ACADM: variants seen among roughly 807,000 people sequenced by gnomAD.
The protein encoded by ACADM is medium-chain specific acyl-CoA dehydrogenase, mitochondrial.
Under a neutral mutation model 58.9 loss-of-function variants are expected in ACADM, and 49 were observed. The ratio of observed to expected loss-of-function variants is 0.83; its 90% CI spans 0.66 to 1.06. The LOEUF (loss-of-function observed/expected upper bound fraction) is 1.06. Among genes scored for constraint, ACADM ranks in the 50% least tolerant of loss-of-function variants. The pLI is 0.00. For synonymous variants in ACADM, 160 were observed against 157.7 expected (o/e 1.01, Z -0.11); for missense variants, 496 against 507.0 (o/e 0.98, Z 0.21).
At chr1:75,731,616 T>G (rs1647151799) in intron 2 of ACADM, among the ~76,000 whole-genome samples, 1 of 152,200 alleles carries the variant, frequency 6.6e-6, no homozygotes, top group South Asian at 2.1e-4. Context: ...GTAAACAAAT[T>G]GTTGGACACC....
intron 1 of ACADM, among the ~76,000 whole-genome samples, chr1:75,725,217 G>A (rs1175320990): frequency 6.6e-6 from 1 of 150,604 alleles, no homozygotes; most frequent in Non-Finnish European, 1.5e-5. Flanking sequence ...GCTTTTCGTT[G>A]TAACGTTTCC....
At chr1:75,744,361 G>C in intron 7 of ACADM, 1 of 1,585,780 alleles carries the variant, frequency 6.3e-7, no homozygotes, top group East Asian at 2.2e-5. Flanking sequence ...TGTGAAAAGC[G>C]GAGTGCCTCC....
At chr1:75,745,576 C>A in intron 7 of ACADM, 1 of 535,722 alleles carries the variant, frequency 1.9e-6, no homozygotes, top group South Asian at 2.1e-5. Context: ...AAGTGAAACC[C>A]CATGGAATGG....
chr1:75,728,597 G>C, intron 2 of ACADM, 109 bp downstream of exon 2: 1 of 794,000 alleles, frequency 1.3e-6, no homozygotes, highest in Non-Finnish European at 2.1e-6. Context: ...TCAATGAGTA[G>C]AACCAGTCCA....
intron 7 of ACADM, 175 bp from the exon 8 acceptor site, chr1:75,745,631 C>T: frequency 1.6e-6 from 1 of 635,150 alleles, no homozygotes; most frequent in Non-Finnish European, 2.8e-6. Context: ...CAAATACTAG[C>T]TCTTCCATAT....
chr1:75,743,975 C>G, intron 7 of ACADM: 1 of 1,559,516 alleles, frequency 6.4e-7, no homozygotes, highest in Non-Finnish European at 8.8e-7. Flanking sequence ...AAAAAAGCCT[C>G]TTTGTGCCGA....
intron 1 of ACADM, among the ~76,000 whole-genome samples, chr1:75,725,893 T>C (rs552309663): frequency 8.0e-4 from 122 of 152,356 alleles, no homozygotes; most frequent in Admixed American, 3.5e-3. Context: ...GCCACAAATA[T>C]GGTTGTGGAA....
At chr1:75,729,408 ATTATAG>A (rs1647109809) in intron 2 of ACADM, among the ~76,000 whole-genome samples, 2 of 141,196 alleles carry the variant, frequency 1.4e-5, no homozygotes, top group Non-Finnish European at 1.5e-5. Flanking sequence ...AAGTGCTGGG[ATTATAG>A]GCATGAGCTA....
chr1:75,730,346 G>A lies in ACADM; in HGVS notation c.118+1858G>A, dbSNP rs1647128448. On this transcript the variant is annotated intron_variant, in intron 2 of 11. Transcript: ENST00000370841. ...GTTAGATATAATTGTTTGGGAGGGA[G>A]ATTGTGAAGTTCAATACGGGTCTAT... is the stretch of plus-strand genomic sequence containing the variant. Among the ~76,000 whole-genome samples, 3 of 152,264 alleles carry A rather than the reference G, an allele frequency of 2.0e-5. No individual in the cohort carries two copies. In the South Asian group the frequency reaches 6.2e-4, roughly 32 times the overall value.
chr1:75,726,862 T>C (rs1257859606), intron 1 of ACADM, among the ~76,000 whole-genome samples: 2 of 145,986 alleles, frequency 1.4e-5, no homozygotes, highest in African/African-American at 5.1e-5. Context: ...TGGAATGCAA[T>C]GGTGCAGTCT....
intron 8 of ACADM, among the ~76,000 whole-genome samples, chr1:75,748,522 A>G (rs1488061321): frequency 6.6e-6 from 1 of 152,226 alleles, no homozygotes; most frequent in Non-Finnish European, 1.5e-5. Flanking sequence ...GGTACATCCA[A>G]GAGTGGGATA....
rs992750053 is a variant in ACADM at position 75,759,913 on chromosome 1, G to A, written c.946-1209G>A. 4.0e-5 allele frequency among the ~76,000 whole-genome samples: 6 copies of A among 151,470 alleles called. No individual in the cohort carries two copies. The South Asian group carries it at 8.3e-4, about 21-fold the overall frequency. ...CAACCTCAGGTGATCTGCCCGCCTCGGCCTCTCAAAGTGCTGGGATTACAG... is the reference window on the plus strand; with the variant it reads ...CAACCTCAGGTGATCTGCCCGCCTCAGCCTCTCAAAGTGCTGGGATTACAG... On this transcript the variant is annotated intron_variant, in intron 10 of 11. Transcript: ENST00000370841.
At chr1:75,729,295 C>CTTTTTTTTTTTTT (rs35372302) in intron 2 of ACADM, among the ~76,000 whole-genome samples, 2 of 85,334 alleles carry the variant, frequency 2.3e-5, no homozygotes, top group African/African-American at 5.1e-5. Context: ...TTTCTTTTTT[C>CTTTTTTTTTTTTT]TTTTTTTTTT....
intron 4 of ACADM, 172 bp downstream of exon 4, chr1:75,733,094 A>G (rs1647177597): frequency 6.2e-7 from 1 of 1,612,888 alleles, no homozygotes; most frequent in South Asian, 1.1e-5. Flanking sequence ...CTCTATACCT[A>G]GATGCGTTTT....
chr1:75,741,790 T>G (rs1318059599), intron 7 of ACADM, among the ~76,000 whole-genome samples: 1 of 152,240 alleles, frequency 6.6e-6, no homozygotes, highest in Non-Finnish European at 1.5e-5. Flanking sequence ...GGGAAGAATA[T>G]ACCTTTTTAA....
chr1:75,726,110 T>C (rs1208436516), intron 1 of ACADM, among the ~76,000 whole-genome samples: 1 of 152,222 alleles, frequency 6.6e-6, no homozygotes. Flanking sequence ...TTTTCCCTAT[T>C]TAAATTCCCT....
intron 8 of ACADM, among the ~76,000 whole-genome samples, chr1:75,748,041 G>T (rs1037053711): frequency 6.6e-6 from 1 of 152,098 alleles, no homozygotes; most frequent in Admixed American, 6.5e-5. Context: ...AAATTAAAGG[G>T]TTAGTTTATA....
chr1:75,760,684 A>G (rs1392178090), intron 10 of ACADM, among the ~76,000 whole-genome samples: 2 of 151,970 alleles, frequency 1.3e-5, no homozygotes, highest in African/African-American at 4.8e-5. Flanking sequence ...GAATTATAAT[A>G]GCCTGGGAAA....
rs1648941355 is a variant in ACADM, at chr1:75,763,127, T to G, written c.*364T>G. 1 of 164,456 alleles carries G rather than the reference T, an allele frequency of 6.1e-6. No individual in the cohort carries two copies. Among genetic ancestry groups the G allele is most frequent in the Non-Finnish European group, 1.3e-5 (1 of 75,850 alleles). 10.2% of individuals were successfully genotyped at this position (164,456 alleles called of 1,614,324 possible). On this transcript the variant is annotated 3_prime_UTR_variant, in exon 12 of 12. Coordinates refer to ENST00000370841, the MANE Select transcript of ACADM (RefSeq NM_000016.6). ...ATTCAAGATGTTACAAAATTTACAT[T>G]TAGAAAATATTGTAGTATTTGAATA...
Sources: allele counts gnomAD v4.1 joint callset (sites outside exome capture counted in the v4.1 genomes callset), GRCh38; gene constraint gnomAD v4.1.1; transcripts MANE v1.5; gene names NCBI Gene and HGNC (gene_info 2026-07-23, HGNC 2026-07-21).